Variants in FMN1 observed in about 807,000 individuals in gnomAD.
The protein encoded by FMN1 is formin-1.
Under a neutral mutation model 132.4 loss-of-function variants are expected in FMN1, and 110 were observed. That is an observed-to-expected ratio of 0.83 (90% CI 0.71 to 0.97). FMN1 has a LOEUF of 0.97. Among genes scored for constraint, FMN1 ranks in the 50% least tolerant of loss-of-function variants. The pLI, the probability that FMN1 is intolerant of heterozygous loss-of-function variation, is 0.00. For synonymous variants in FMN1, 722 were observed against 651.7 expected, an observed-to-expected ratio of 1.11 and a Z score of -1.64; for missense variants, 1,792 against 1,705.3, an observed-to-expected ratio of 1.05 and a Z score of -0.90.
chr15:32,995,723 A>T (rs937068270), intron 7 of FMN1, among the ~76,000 whole-genome samples: 1 of 152,364 alleles, frequency 6.6e-6, no homozygotes, highest in Non-Finnish European at 1.5e-5. Context: ...ACATGAAATT[A>T]TAGTTTAGAA....
chr15:32,915,240 A>G (rs1432355536), intron 10 of FMN1, among the ~76,000 whole-genome samples: 2 of 152,190 alleles, frequency 1.3e-5, no homozygotes, highest in African/African-American at 4.8e-5. Context: ...TAGTCACCAA[A>G]TATAGTTTAG....
At chr15:33,049,759 A>C (rs1311765116) in intron 6 of FMN1, among the ~76,000 whole-genome samples, 2 of 152,196 alleles carry the variant, frequency 1.3e-5, no homozygotes, top group Non-Finnish European at 2.9e-5. Context: ...ATCGTGTTCA[A>C]ATAAGGCAAA....
At chr15:32,778,514 C>G (rs1443600172) in intron 19 of FMN1, among the ~76,000 whole-genome samples, 1 of 151,882 alleles carries the variant, frequency 6.6e-6, no homozygotes, top group Non-Finnish European at 1.5e-5. Context: ...GACATTTCTC[C>G]AAAGCTGACA....
intron 4 of FMN1, among the ~76,000 whole-genome samples, chr15:33,128,874 C>T (rs141456737): frequency 0.023 from 3,456 of 152,160 alleles, 66 homozygotes; most frequent in Non-Finnish European, 0.035. Context: ...GGCCTGCGTG[C>T]GTGGCCAGCT....
Position 32,770,943 on chromosome 15 carries a change from G to C in FMN1, c.*3367C>G, listed in dbSNP as rs1021045064. 1 of 151,582 alleles carries C rather than the reference G, an allele frequency of 6.6e-6. No homozygotes were observed. The highest frequency in any genetic ancestry group is 1.5e-5 in the Non-Finnish European group (1 of 67,932). The allele number at this position is 151,582 out of a possible 1,614,324, so 9.4% of individuals were successfully genotyped here. A position where few individuals can be genotyped will look rare whatever the true frequency, so the allele number is the denominator to read the frequency against. ...AGTAGGACCATCACCTATGACCTCTGGGCCCCCACCGTCATCATAAACATC... is the reference window on the plus strand; with the variant it reads ...AGTAGGACCATCACCTATGACCTCTCGGCCCCCACCGTCATCATAAACATC... On this transcript the variant is annotated 3_prime_UTR_variant, in exon 21 of 21. Coordinates refer to ENST00000616417, the MANE Select transcript of FMN1 (RefSeq NM_001277313.2).
At chr15:33,193,678 A>T (rs1966160945) in intron 2 of FMN1, among the ~76,000 whole-genome samples, 1 of 152,150 alleles carries the variant, frequency 6.6e-6, no homozygotes, top group Admixed American at 6.5e-5. Context: ...GTGAGTGCTA[A>T]CATGGAACTC....
chr15:33,188,215 C>T (rs1451695108), intron 2 of FMN1, among the ~76,000 whole-genome samples: 1 of 151,972 alleles, frequency 6.6e-6, no homozygotes, highest in Non-Finnish European at 1.5e-5. Context: ...TGGCGCACGC[C>T]TGTGATCCCA....
intron 16 of FMN1, among the ~76,000 whole-genome samples, chr15:32,878,544 A>C (rs2059690535): frequency 6.6e-6 from 1 of 152,202 alleles, no homozygotes; most frequent in South Asian, 2.1e-4. Flanking sequence ...CAACAGGACT[A>C]GCTGTCAGAC....
intron 7 of FMN1, among the ~76,000 whole-genome samples, chr15:33,004,747 A>C (rs1278065387): frequency 6.6e-6 from 1 of 152,254 alleles, no homozygotes; most frequent in Non-Finnish European, 1.5e-5. Context: ...ACCTATGTTT[A>C]TTGTGGCACT....
At chr15:32,799,217 G>A (rs11853554) in intron 18 of FMN1, among the ~76,000 whole-genome samples, 25 of 152,286 alleles carry the variant, frequency 1.6e-4, no homozygotes, top group African/African-American at 6.0e-4. Flanking sequence ...TTCTGGGGGT[G>A]TGTAGGTAAA....
chr15:32,982,231 G>A (rs76429000), intron 7 of FMN1, among the ~76,000 whole-genome samples: 6,785 of 152,184 alleles, frequency 0.045, 212 homozygotes, highest in Middle Eastern at 0.11. Context: ...AGGAGAGGGA[G>A]GAGTGAGAGA....
intron 7 of FMN1, among the ~76,000 whole-genome samples, chr15:32,982,683 A>G (rs2032773484): frequency 6.6e-6 from 1 of 152,174 alleles, no homozygotes; most frequent in East Asian, 1.9e-4. Flanking sequence ...ACAGGCCTCA[A>G]TAGAACGAAA....
At chr15:33,038,589 T>C (rs2036287803) in intron 6 of FMN1, among the ~76,000 whole-genome samples, 1 of 152,254 alleles carries the variant, frequency 6.6e-6, no homozygotes, top group African/African-American at 2.4e-5. Flanking sequence ...ATAATTTTTA[T>C]TGCATCTAAC....
At chr15:33,069,034 T>G (rs1391657595) in intron 5 of FMN1, among the ~76,000 whole-genome samples, 1 of 152,152 alleles carries the variant, frequency 6.6e-6, no homozygotes, top group Non-Finnish European at 1.5e-5. Context: ...ACCTGCCCTA[T>G]TAGACAAAAC....
intron 17 of FMN1, among the ~76,000 whole-genome samples, chr15:32,849,472 T>TA (rs2058952656): frequency 2.0e-5 from 3 of 150,304 alleles, no homozygotes; most frequent in Non-Finnish European, 4.4e-5. Context: ...GACTTTTTTT[T>TA]TAAAAAAGAT....
At chr15:33,000,627 A>G (rs1188888741) in intron 7 of FMN1, among the ~76,000 whole-genome samples, 2 of 152,122 alleles carry the variant, frequency 1.3e-5, no homozygotes, top group Non-Finnish European at 2.9e-5. Flanking sequence ...CAAAAACAAG[A>G]TAAAATAATA....
At chr15:32,966,311 G>C (rs961614981) in intron 8 of FMN1, among the ~76,000 whole-genome samples, 1 of 152,074 alleles carries the variant, frequency 6.6e-6, no homozygotes, top group Non-Finnish European at 1.5e-5. Flanking sequence ...CTATTTCTAT[G>C]GGAAAGGTAT....
At chr15:33,011,140 C>T (rs1283086624) in intron 6 of FMN1, among the ~76,000 whole-genome samples, 3 of 152,086 alleles carry the variant, frequency 2.0e-5, no homozygotes, top group African/African-American at 7.2e-5. Flanking sequence ...TACCTTACCT[C>T]CTAATGAGAA....
At chr15:32,906,992 C>G (rs958439776) in intron 12 of FMN1, among the ~76,000 whole-genome samples, 3 of 152,154 alleles carry the variant, frequency 2.0e-5, no homozygotes, top group Non-Finnish European at 4.4e-5. Context: ...CTCCCATCCT[C>G]AGCCATTTAA....
Sources: gnomAD v4.1 joint callset for allele counts (sites outside exome capture counted in the v4.1 genomes callset) on GRCh38, gnomAD v4.1.1 for gene constraint, MANE v1.5 for transcripts, NCBI Gene and HGNC (gene_info 2026-07-23, HGNC 2026-07-21) for gene names.